CEP78: variants seen among roughly 807,000 people sequenced by gnomAD.
The protein encoded by CEP78 is centrosomal protein 78.
Under a neutral mutation model 81.2 loss-of-function variants are expected in CEP78, and 76 were observed. The observed-to-expected ratio is 0.94, with a 90% confidence interval of 0.78 to 1.13. The LOEUF is 1.13. Ranked by LOEUF, CEP78 falls within the 50% of genes most tolerant of loss-of-function variation. CEP78 has a pLI of 0.00. For missense variants in CEP78, 918 were observed against 846.8 expected (o/e 1.08, Z -1.04); for synonymous variants, 293 against 301.4 (o/e 0.97, Z 0.29).
chr9:78,270,726 G>C (rs963002126), intron 16 of CEP78, 115 bp from the exon 17 acceptor site: 5 of 568,958 alleles, frequency 8.8e-6, no homozygotes, highest in African/African-American at 7.8e-5. Context: ...AGTAACACTT[G>C]ATTTTCAGAG....
rs151308351 is a variant in CEP78, at chr9:78,258,891, C to T, written c.1380+3927C>T. Among the ~76,000 whole-genome samples, 12 of 151,848 alleles carry T rather than the reference C, an allele frequency of 7.9e-5. No homozygotes were observed. The East Asian group carries it at 2.3e-3, about 29-fold the overall frequency. On this transcript the variant is annotated intron_variant, in intron 11 of 16. Coordinates refer to ENST00000643273, the MANE Select transcript of CEP78 (RefSeq NM_001330691.3). ...AGATCTGGAGTGTAATAAGAATCTTCCACCCTGCTTACACCGGAAGTATAA... is the reference window on the plus strand; with the variant it reads ...AGATCTGGAGTGTAATAAGAATCTTTCACCCTGCTTACACCGGAAGTATAA...
Position 78,236,485 on chromosome 9 carries a change from C to G in CEP78, c.135C>G (p.Phe45Leu), listed in dbSNP as rs1475914063. ...GTCTCCGGGAGGGCGTGCTGGATTT[C>G]AACGCCGACCGCCTCCGCGGGGTGG... is the stretch of plus-strand genomic sequence containing the variant. Reference protein sequence around the residue: ...RACLREGVLDFNADRLRGVDW... With the variant: ...RACLREGVLDLNADRLRGVDW... The change falls in exon 1 of 17, where the codon TTC (phenylalanine) becomes TTG (leucine). Residue 45 changes from phenylalanine to leucine, a missense_variant. Physicochemically the swap from Phe to Leu is conservative, Grantham distance 22. Transcript: ENST00000643273. The G allele has an allele frequency of 6.2e-7, 1 of 1,606,964 alleles. No individual in the cohort carries two copies. The highest frequency in any genetic ancestry group is 8.5e-7 in the Non-Finnish European group (1 of 1,176,840).
chr9:78,256,698 C>T (rs1302385943), intron 11 of CEP78, among the ~76,000 whole-genome samples: 3 of 151,772 alleles, frequency 2.0e-5, no homozygotes, highest in African/African-American at 7.3e-5. Context: ...CATGGTTCAC[C>T]TGAGAGTTGA....
chr9:78,264,946 T>A (rs1290170787), intron 13 of CEP78, among the ~76,000 whole-genome samples: 1 of 152,056 alleles, frequency 6.6e-6, no homozygotes, highest in African/African-American at 2.4e-5. Context: ...ATTGATAGAG[T>A]TATGTTTTGT....
chr9:78,240,273 C>CT lies in CEP78; in HGVS notation c.427-15dup. The CT allele has an allele frequency of 6.2e-7, 1 of 1,608,094 alleles. No homozygotes were observed. Among genetic ancestry groups the CT allele is most frequent in the Non-Finnish European group, 8.5e-7 (1 of 1,176,616 alleles). On this transcript the variant is annotated intron_variant, in intron 2 of 16. Coordinates refer to ENST00000643273, the MANE Select transcript of CEP78 (RefSeq NM_001330691.3). ...AAAAAAACCTCAATAACATTTTTAA[C>CT]TTTTCCCCCTCATTAAAGGGATTGA...
chr9:78,243,011 T>G (rs2118161496), intron 4 of CEP78, among the ~76,000 whole-genome samples: 1 of 152,268 alleles, frequency 6.6e-6, no homozygotes, highest in South Asian at 2.1e-4. Flanking sequence ...AATATGTATA[T>G]AGAAATTCCT....
rs1827806722 is a variant in CEP78 at position 78,276,501 on chromosome 9, G to T, written c.*5650G>T. On this transcript the variant is annotated 3_prime_UTR_variant, in exon 17 of 17. Coordinates refer to ENST00000643273, the MANE Select transcript of CEP78 (RefSeq NM_001330691.3). ...GGCTCTCGTTATTTGTAAATATGGG[G>T]TCTTTTTTTTTTTGGACAAAAAACC... is the stretch of plus-strand genomic sequence containing the variant. 1.3e-5 allele frequency: 2 copies of T among 150,912 alleles called. No individual in the cohort carries two copies. 9.3% of individuals were successfully genotyped at this position (150,912 alleles called of 1,614,324 possible).
intron 1 of CEP78, among the ~76,000 whole-genome samples, chr9:78,236,825 C>T (rs185869301): frequency 3.3e-5 from 5 of 152,278 alleles, no homozygotes; most frequent in Admixed American, 3.3e-4. Context: ...CAAGGATTCC[C>T]TGCGCTGCTG....
In CEP78 at chr9:78,272,315, TG is replaced by T. The variant is rs1391638098; in HGVS notation, c.*1465del. 1.3e-5 allele frequency: 2 copies of T among 152,336 alleles called. No individual in the cohort carries two copies. The highest frequency in any genetic ancestry group is 4.8e-5 in the African/African-American group (2 of 41,450). 9.4% of individuals were successfully genotyped at this position (152,336 alleles called of 1,614,324 possible). ...TGCTGAGACTACAGACCTGAGCCAC[TG>T]TGCCCAGCCCCATGAAAGATGTTTA... is the stretch of plus-strand genomic sequence containing the variant. On this transcript the variant is annotated 3_prime_UTR_variant, in exon 17 of 17. Coordinates refer to ENST00000643273, the MANE Select transcript of CEP78 (RefSeq NM_001330691.3).
At position 78,251,913 on chromosome 9, in the gene CEP78, G is replaced by T. The variant is rs1387875405; in HGVS notation, c.1075G>T (p.Ala359Ser). The change falls in exon 9 of 17, where the codon GCT becomes TCT. Residue 359 changes from alanine to serine, a missense_variant. Coordinates refer to ENST00000643273, the MANE Select transcript of CEP78 (RefSeq NM_001330691.3). ...KGKATIRIGL[A>S]TKKPVSSGRK... The stretch of plus-strand genomic sequence containing the variant: ...TTTTAACACTTCTCAAGTAGGATTG[G>T]CTACAAAGAAACCTGTAAGTAGTGG... 1 of 1,605,308 alleles carries T rather than the reference G, an allele frequency of 6.2e-7. No homozygotes were observed. Among genetic ancestry groups the T allele is most frequent in the African/African-American group, 1.3e-5 (1 of 74,924 alleles).
Position 78,251,992 on chromosome 9 carries a change from G to A in CEP78, c.1154G>A (p.Gly385Asp), listed in dbSNP as rs1192074629. The A allele has an allele frequency of 6.2e-7, 1 of 1,606,646 alleles. No homozygotes were observed. Among genetic ancestry groups the A allele is most frequent in the Non-Finnish European group, 8.5e-7 (1 of 1,174,836 alleles). Residue 385 changes from glycine (G) to aspartate (D), a missense_variant, in exon 9 of 17, where the codon GGT becomes GAT. Gly to Asp is a moderately conservative substitution (Grantham distance 94, BLOSUM62 -1). Coordinates refer to ENST00000643273, the MANE Select transcript of CEP78 (RefSeq NM_001330691.3). ...TATGCGCCCGCACCTCTTCCACCTG[G>A]TGTGTCTGGTTTCTTGCCGTGGCGT... The part of the protein sequence containing the change: ...EYYAPAPLPP[G>D]VSGFLPWRTA...
intron 5 of CEP78, among the ~76,000 whole-genome samples, chr9:78,244,332 T>G (rs1357334016): frequency 6.6e-6 from 1 of 152,096 alleles, no homozygotes; most frequent in Non-Finnish European, 1.5e-5. Context: ...CTTGCTGTGT[T>G]GCCCAGGCTA....
chr9:78,268,686 T>C lies in CEP78; in HGVS notation c.2107+1983T>C, dbSNP rs948080420. On this transcript the variant is annotated intron_variant, in intron 16 of 16. Transcript: ENST00000643273. Reference sequence around the variant, plus strand: ...AATTAAGCAGGTTTCTTTTCTTTTTTTTTTTTTTTTTTTTGAGATGGAGTC... The same window carrying C: ...AATTAAGCAGGTTTCTTTTCTTTTTCTTTTTTTTTTTTTTGAGATGGAGTC... Among the ~76,000 whole-genome samples, 76 of 148,454 alleles carry C rather than the reference T, an allele frequency of 5.1e-4. 1 individual carries two copies. Among genetic ancestry groups the C allele is most frequent in the African/African-American group, 6.4e-4 (26 of 40,554 alleles).
Position 78,273,428 on chromosome 9 carries a change from C to G in CEP78, c.*2577C>G, listed in dbSNP as rs1448662259. Reference sequence around the variant, plus strand: ...CAGAAGATTTTTTAAAAAAATATATCTGCAATTTAAAAACTTGATGTTAGG... The same window carrying G: ...CAGAAGATTTTTTAAAAAAATATATGTGCAATTTAAAAACTTGATGTTAGG... On this transcript the variant is annotated 3_prime_UTR_variant, in exon 17 of 17. Coordinates refer to ENST00000643273, the MANE Select transcript of CEP78 (RefSeq NM_001330691.3). 2 of 152,160 alleles carry G rather than the reference C, an allele frequency of 1.3e-5. No homozygotes were observed. Among genetic ancestry groups the G allele is most frequent in the Non-Finnish European group, 2.9e-5 (2 of 68,034 alleles). The allele number at this position is 152,160 out of a possible 1,614,324, so 9.4% of individuals were successfully genotyped here.
At chr9:78,256,183 A>G (rs1827015153) in intron 11 of CEP78, among the ~76,000 whole-genome samples, 1 of 152,224 alleles carries the variant, frequency 6.6e-6, no homozygotes, top group Non-Finnish European at 1.5e-5. Context: ...TACACAGGGG[A>G]AGCCTACAGC....
chr9:78,240,317 T>C lies in CEP78; in HGVS notation c.452T>C (p.Val151Ala), dbSNP rs1826167148. 1.3e-6 allele frequency: 2 copies of C among 1,597,940 alleles called. No homozygotes were observed. The highest frequency in any genetic ancestry group is 1.7e-6 in the Non-Finnish European group (2 of 1,170,940). ...GGATTGAATAAATCGGCTTCTTTGGTGCACCTGTCTCTTGCAAATTGTCCA... is the reference window on the plus strand; with the variant it reads ...GGATTGAATAAATCGGCTTCTTTGGCGCACCTGTCTCTTGCAAATTGTCCA... ...AKGLNKSASL[V>A]HLSLANCPIG... The change falls in exon 3 of 17, where the codon GTG (valine) becomes GCG (alanine). Residue 151 changes from valine to alanine, a missense_variant. Val to Ala is a moderately conservative substitution (Grantham distance 64). Coordinates refer to ENST00000643273, the MANE Select transcript of CEP78 (RefSeq NM_001330691.3).
chr9:78,256,618 C>T (rs896134201), intron 11 of CEP78, among the ~76,000 whole-genome samples: 1 of 149,764 alleles, frequency 6.7e-6, no homozygotes, highest in Admixed American at 6.7e-5. Context: ...CTGCAAGCTC[C>T]GCCTTCCGGG....
chr9:78,255,894 G>A (rs1826998873), intron 11 of CEP78, among the ~76,000 whole-genome samples: 1 of 152,264 alleles, frequency 6.6e-6, no homozygotes, highest in Middle Eastern at 3.4e-3. Flanking sequence ...AGGGGATTAG[G>A]AAATTTTATT....
intron 1 of CEP78, among the ~76,000 whole-genome samples, chr9:78,237,679 G>A (rs1176574149): frequency 6.6e-6 from 1 of 152,178 alleles, no homozygotes; most frequent in Non-Finnish European, 1.5e-5. Context: ...TATCCTGAAG[G>A]TTTTGGGAAA....
Sources: allele counts gnomAD v4.1 joint callset (sites outside exome capture counted in the v4.1 genomes callset), GRCh38; gene constraint gnomAD v4.1.1; transcripts MANE v1.5; gene names NCBI Gene and HGNC (gene_info 2026-07-23, HGNC 2026-07-21).